NR3C2: variants seen among roughly 807,000 people sequenced by gnomAD.
NR3C2 encodes nuclear receptor subfamily 3 group C member 2.
A neutral mutation model predicts 86.4 loss-of-function variants in NR3C2; 15 were observed. The ratio of observed to expected loss-of-function variants is 0.17; its 90% CI spans 0.12 to 0.27. The LOEUF is 0.27. NR3C2 is among the 10% of genes least tolerant of loss of function. The pLI, the probability that NR3C2 is intolerant of heterozygous loss-of-function variation, is 1.00. For synonymous variants in NR3C2, 458 were observed against 450.5 expected (o/e 1.02, Z -0.21); for missense variants, 960 against 1,195.6 (o/e 0.80, Z 2.91).
At chr4:148,094,179 C>CA (rs1261791738) in intron 8 of NR3C2, among the ~76,000 whole-genome samples, 1 of 151,774 alleles carries the variant, frequency 6.6e-6, no homozygotes, top group African/African-American at 2.4e-5. Flanking sequence ...TGGCTATTAT[C>CA]AAAAAAGGGG....
chr4:148,380,050 T>C (rs959500476), intron 2 of NR3C2, among the ~76,000 whole-genome samples: 1 of 152,250 alleles, frequency 6.6e-6, no homozygotes, highest in Non-Finnish European at 1.5e-5. Flanking sequence ...TGTAGTATTA[T>C]AAATGCACAT....
intron 2 of NR3C2, among the ~76,000 whole-genome samples, chr4:148,311,607 C>A (rs1392024986): frequency 6.6e-6 from 1 of 152,218 alleles, no homozygotes; most frequent in Non-Finnish European, 1.5e-5. Flanking sequence ...CCCCTGTCCC[C>A]TAGAATCACA....
At chr4:148,120,730 C>T (rs780120801) in intron 6 of NR3C2, among the ~76,000 whole-genome samples, 3 of 152,106 alleles carry the variant, frequency 2.0e-5, no homozygotes, top group East Asian at 1.9e-4. Context: ...ATGGGGATGA[C>T]CAATCTTATT....
At chr4:148,366,480 T>TATTAAAAAAGAATA (rs1561066887) in intron 2 of NR3C2, among the ~76,000 whole-genome samples, 1 of 19,358 alleles carries the variant, frequency 5.2e-5, no homozygotes, top group African/African-American at 2.2e-4. Context: ...TAAAAAGTAC[T>TATTAAAAAAGAATA]CAGCACTTTT....
rs550444837 is a variant in NR3C2 at position 148,230,466 on chromosome 4, G to C, written c.1897+29512C>G. On this transcript the variant is annotated intron_variant, in intron 3 of 8. Transcript: ENST00000358102. ...CCCACCTCAGCCTCCCTAAGTGCTG[G>C]GATTACAGGCGTGAGCCACCACACG... Among the ~76,000 whole-genome samples, 292 of 152,238 alleles carry C rather than the reference G, an allele frequency of 1.9e-3. 1 individual carries two copies. The highest frequency in any genetic ancestry group is 6.6e-3 in the African/African-American group (274 of 41,534).
rs949410342 is a variant in NR3C2, at chr4:148,393,449, T to C, written c.1757+41655A>G. Reference sequence around the variant, plus strand: ...TTAAAAGCTTTGCAAATGATTCTGATTCACAGCCCTGATTAATGAGGAGCT... The same window carrying C: ...TTAAAAGCTTTGCAAATGATTCTGACTCACAGCCCTGATTAATGAGGAGCT... On this transcript the variant is annotated intron_variant, in intron 2 of 8. Transcript: ENST00000358102. Among the ~76,000 whole-genome samples, 13 of 152,290 alleles carry C rather than the reference T, an allele frequency of 8.5e-5. No individual in the cohort carries two copies. The East Asian group carries it at 2.5e-3, about 29-fold the overall frequency.
chr4:148,230,657 G>A (rs1738414331), intron 3 of NR3C2, among the ~76,000 whole-genome samples: 1 of 152,176 alleles, frequency 6.6e-6, no homozygotes, highest in Non-Finnish European at 1.5e-5. Context: ...CTAAATAATA[G>A]AATATCCTAC....
intron 6 of NR3C2, among the ~76,000 whole-genome samples, chr4:148,124,624 G>C (rs1167793094): frequency 6.6e-6 from 1 of 152,176 alleles, no homozygotes; most frequent in Admixed American, 6.5e-5. Flanking sequence ...GCATACGTAA[G>C]TATTCCTTCA....
chr4:148,347,133 G>C (rs958190600), intron 2 of NR3C2, among the ~76,000 whole-genome samples: 2 of 152,106 alleles, frequency 1.3e-5, no homozygotes, highest in South Asian at 2.1e-4. Flanking sequence ...ACAGGTAGAA[G>C]AACAAATGGC....
intron 6 of NR3C2, among the ~76,000 whole-genome samples, chr4:148,134,635 C>CTTTTT (rs1449918599): frequency 1.0e-4 from 7 of 67,636 alleles, no homozygotes; most frequent in African/African-American, 3.4e-4. Flanking sequence ...TTCTCTCTCT[C>CTTTTT]TCTCTCTCTT....
In NR3C2 at chr4:148,409,166, T is replaced by C. The variant is rs556340958; in HGVS notation, c.1757+25938A>G. On this transcript the variant is annotated intron_variant, in intron 2 of 8. Coordinates refer to ENST00000358102, the MANE Select transcript of NR3C2 (RefSeq NM_000901.5). ...GCCAAACGGCTTTCCAGAAAGGATA[T>C]CCCAGTTTAGACTGTCATTAGGAGA... 6.6e-5 allele frequency among the ~76,000 whole-genome samples: 10 copies of C among 152,274 alleles called. No homozygotes were observed. The South Asian group carries it at 2.1e-3, about 32-fold the overall frequency.
intron 2 of NR3C2, among the ~76,000 whole-genome samples, chr4:148,377,319 G>A (rs572765538): frequency 1.3e-5 from 2 of 152,344 alleles, no homozygotes; most frequent in Admixed American, 1.3e-4. Context: ...GCACTAGCCT[G>A]TGGCTAATGT....
chr4:148,193,175 G>A (rs1309788295), intron 4 of NR3C2, among the ~76,000 whole-genome samples: 3 of 152,200 alleles, frequency 2.0e-5, no homozygotes. Context: ...TTCTACCCTT[G>A]TATTTCACTG....
At chr4:148,099,751 T>G (rs1578880377) in intron 8 of NR3C2, among the ~76,000 whole-genome samples, 1 of 152,176 alleles carries the variant, frequency 6.6e-6, no homozygotes, top group East Asian at 1.9e-4. Flanking sequence ...GACACAGGTG[T>G]TAGACAATAA....
At chr4:148,421,213 T>G (rs762762303) in intron 2 of NR3C2, among the ~76,000 whole-genome samples, 1 of 152,202 alleles carries the variant, frequency 6.6e-6, no homozygotes, top group Admixed American at 6.5e-5. Flanking sequence ...TTTGCCATAT[T>G]CACCATTAAG....
chr4:148,236,538 A>G (rs1009822387), intron 3 of NR3C2, among the ~76,000 whole-genome samples: 2 of 152,106 alleles, frequency 1.3e-5, no homozygotes, highest in Admixed American at 6.5e-5. Flanking sequence ...TACACTTAAA[A>G]AAAGGTCAGA....
intron 4 of NR3C2, among the ~76,000 whole-genome samples, chr4:148,155,325 C>A (rs1428878768): frequency 6.6e-6 from 1 of 152,182 alleles, no homozygotes; most frequent in South Asian, 2.1e-4. Context: ...GTCAAATTGT[C>A]CCTGTTTGCA....
chr4:148,124,093 T>C (rs10857229), intron 6 of NR3C2, among the ~76,000 whole-genome samples: 79,616 of 151,920 alleles, frequency 0.52, 21,034 homozygotes, highest in East Asian at 0.71. Flanking sequence ...GAAAAACTAG[T>C]TGGGCATGAT....
Position 148,435,982 on chromosome 4 carries a change from C to G in NR3C2, c.879G>C (p.Leu293=). The change falls in exon 2 of 9, where the codon CTG becomes CTC. Residue 293 remains leucine, a synonymous_variant. Transcript: ENST00000358102. ...TTGCAGGGCTAGACACAGAGGATCT[C>G]AGAGTGACATTATTGGGACTGGAGA... ...SPVSSPNNVT[L]RSSVSSPANI... is the part of the protein sequence containing the mutation. 6.2e-7 allele frequency: 1 copy of G among 1,614,154 alleles called. No homozygotes were observed. Among genetic ancestry groups the G allele is most frequent in the Non-Finnish European group, 8.5e-7 (1 of 1,180,026 alleles).
Sources: allele counts gnomAD v4.1 joint callset (sites outside exome capture counted in the v4.1 genomes callset), GRCh38; gene constraint gnomAD v4.1.1; transcripts MANE v1.5; gene names NCBI Gene and HGNC (gene_info 2026-07-23, HGNC 2026-07-21).